STOX2: variants seen among roughly 807,000 people sequenced by gnomAD.
STOX2 encodes the protein storkhead-box protein 2.
STOX2 carries 28 observed loss-of-function variants against 60.9 expected under a neutral mutation model. The ratio of observed to expected loss-of-function variants is 0.46; its 90% confidence interval spans 0.34 to 0.63. The LOEUF is 0.63. Among genes scored for constraint, STOX2 ranks in the 30% least tolerant of loss-of-function variants. STOX2 has a pLI of 0.01. For synonymous variants in STOX2, 472 were observed against 463.9 expected, an observed-to-expected ratio of 1.02 and a Z score of -0.22; for missense variants, 1,024 against 1,187.7, an observed-to-expected ratio of 0.86 and a Z score of 2.03.
chr4:183,979,003 G>A (rs1732547635), intron 1 of STOX2, among the ~76,000 whole-genome samples: 1 of 152,142 alleles, frequency 6.6e-6, no homozygotes, highest in Non-Finnish European at 1.5e-5. Context: ...AAAAGTGAAT[G>A]GTACCCGATT....
intron 1 of STOX2, among the ~76,000 whole-genome samples, chr4:183,852,164 G>A (rs376910112): frequency 4.3e-3 from 220 of 51,014 alleles, no homozygotes; most frequent in African/African-American, 8.9e-3. Context: ...AAAGGATGAG[G>A]GAAAGGATGA....
At chr4:183,888,898 A>G (rs188202399) in intron 1 of STOX2, among the ~76,000 whole-genome samples, 397 of 152,090 alleles carry the variant, frequency 2.6e-3, no homozygotes, top group African/African-American at 9.0e-3. Flanking sequence ...GAAGGGGGCA[A>G]ATGCTGCCTT....
At chr4:183,811,288 T>A (rs1410094056) in intron 1 of STOX2, among the ~76,000 whole-genome samples, 1 of 152,236 alleles carries the variant, frequency 6.6e-6, no homozygotes, top group African/African-American at 2.4e-5. Context: ...TTATATTGTG[T>A]TAAGTCTATG....
At chr4:183,922,486 C>T (rs1476348057) in intron 1 of STOX2, among the ~76,000 whole-genome samples, 5 of 151,902 alleles carry the variant, frequency 3.3e-5, no homozygotes. Flanking sequence ...GCTGGGATTA[C>T]AGGCGCCCCC....
In STOX2 at chr4:183,807,148, A is replaced by C. The variant is rs376533525; in HGVS notation, c.364+9093A>C. Among the ~76,000 whole-genome samples the C allele has an allele frequency of 5.3e-3, 803 of 151,884 alleles. 7 individuals are homozygous for C. Among genetic ancestry groups the C allele is most frequent in the African/African-American group, 0.019 (773 of 41,394 alleles). On this transcript the variant is annotated intron_variant, in intron 1 of 2. Coordinates refer to the STOX2 transcript ENST00000513034. ...CCACCACGCCCAGCTAATTTTTAGT[A>C]TTTTTAGTAGAGACGGGGTTTCACC...
chr4:183,798,117 G>A (rs1485740935), intron 1 of STOX2: 4 of 1,214,632 alleles, frequency 3.3e-6, no homozygotes, highest in Non-Finnish European at 3.1e-6. Flanking sequence ...CGTGCCGTGC[G>A]GTCGCGGGTG....
At chr4:183,819,063 G>GGGAT (rs1195401381) in intron 1 of STOX2, among the ~76,000 whole-genome samples, 80 of 151,532 alleles carry the variant, frequency 5.3e-4, no homozygotes, top group African/African-American at 1.7e-3. Flanking sequence ...TTTCCAGACT[G>GGGAT]GGCAGCCAGG....
At chr4:183,812,214 G>A (rs1400010733) in intron 1 of STOX2, among the ~76,000 whole-genome samples, 2 of 152,202 alleles carry the variant, frequency 1.3e-5, no homozygotes, top group Non-Finnish European at 2.9e-5. Context: ...TTACAGGGGT[G>A]AGCCACCATG....
chr4:183,941,654 C>CA (rs1742757293), intron 1 of STOX2, among the ~76,000 whole-genome samples: 1 of 152,126 alleles, frequency 6.6e-6, no homozygotes, highest in South Asian at 2.1e-4. Context: ...TGGCGATAGA[C>CA]AACATGGATA....
At chr4:183,905,171 C>A (rs1741552053), upstream of STOX2, among the ~76,000 whole-genome samples, 1 of 152,236 alleles carries the variant, frequency 6.6e-6, no homozygotes, top group African/African-American at 2.4e-5. Flanking sequence ...CGTGGCTGGG[C>A]GCCTTTAACT....
intron 1 of STOX2, among the ~76,000 whole-genome samples, chr4:183,860,442 C>CAAAAAAAAAAAAAAAAAAAGAAA: frequency 8.2e-6 from 1 of 121,504 alleles, no homozygotes; most frequent in Non-Finnish European, 1.7e-5. Context: ...AAACAAAAAA[C>CAAAAAAAAAAAAAAAAAAAGAAA]AAAAAAAAAA....
At chr4:183,873,718 A>G (rs1439719867) in intron 1 of STOX2, among the ~76,000 whole-genome samples, 1 of 152,206 alleles carries the variant, frequency 6.6e-6, no homozygotes, top group African/African-American at 2.4e-5. Context: ...TTTGGAAGAA[A>G]GCTACTTAAA....
At chr4:183,938,325 T>C (rs1289078198) in intron 1 of STOX2, among the ~76,000 whole-genome samples, 2 of 152,204 alleles carry the variant, frequency 1.3e-5, no homozygotes, top group Non-Finnish European at 2.9e-5. Context: ...TCATCCAGTT[T>C]GTGTTAGTAA....
chr4:183,798,804 G>C (rs1446571180), intron 1 of STOX2: 2 of 980,558 alleles, frequency 2.0e-6, no homozygotes, highest in Non-Finnish European at 2.4e-6. Flanking sequence ...GCTTTGACTT[G>C]CTGGTTTTTA....
chr4:183,988,239 A>C (rs1732935892), intron 1 of STOX2: 1 of 151,960 alleles, frequency 6.6e-6, no homozygotes, highest in Non-Finnish European at 1.5e-5. Context: ...GTGAGAAGTC[A>C]GGTTGGCTGA....
intron 1 of STOX2, among the ~76,000 whole-genome samples, chr4:183,867,548 C>T (rs1389008303): frequency 1.3e-5 from 2 of 152,186 alleles, no homozygotes; most frequent in Admixed American, 6.5e-5. Flanking sequence ...CATAGTCACT[C>T]GGAGCAGTGG....
chr4:183,800,515 G>A (rs1738737432), intron 1 of STOX2, among the ~76,000 whole-genome samples: 1 of 152,076 alleles, frequency 6.6e-6, no homozygotes, highest in African/African-American at 2.4e-5. Flanking sequence ...TACATATATC[G>A]TCAGGTCCTT....
chr4:183,987,251 C>T (rs1191602240), intron 1 of STOX2, among the ~76,000 whole-genome samples: 4 of 152,052 alleles, frequency 2.6e-5, no homozygotes, highest in Non-Finnish European at 4.4e-5. Context: ...TCTCAACTGC[C>T]GCCCCCGTCT....
intron 1 of STOX2, among the ~76,000 whole-genome samples, chr4:183,946,550 G>A (rs143971679): frequency 1.3e-5 from 2 of 151,888 alleles, no homozygotes; most frequent in East Asian, 1.9e-4. Flanking sequence ...AAAAAAAGGC[G>A]TTCGTGCTGA....
Sources: gnomAD v4.1 joint callset for allele counts (sites outside exome capture counted in the v4.1 genomes callset) on GRCh38, gnomAD v4.1.1 for gene constraint, MANE v1.5 for transcripts, NCBI Gene and HGNC (gene_info 2026-07-23, HGNC 2026-07-21) for gene names.